Variants in ACSL1 observed in about 807,000 individuals in gnomAD.
ACSL1 encodes the protein acyl-CoA synthetase long chain family member 1, also known as long-chain-fatty-acid--CoA ligase 1.
ACSL1 carries 41 observed loss-of-function variants against 98.4 expected under a neutral mutation model. The observed-to-expected ratio is 0.42, with a 90% CI of 0.32 to 0.54. The LOEUF is 0.54. Ranked by LOEUF, ACSL1 falls within the 20% of genes least tolerant of loss-of-function variation. ACSL1 has a pLI of 0.13. For missense variants in ACSL1, 734 were observed against 883.1 expected, an observed-to-expected ratio of 0.83 and a Z score of 2.14; for synonymous variants, 316 against 322.7, an observed-to-expected ratio of 0.98 and a Z score of 0.22.
Position 184,773,831 on chromosome 4 carries a change from C to A in ACSL1, c.789+12G>T, listed in dbSNP as rs368315348. The A allele has an allele frequency of 6.2e-7, 1 of 1,613,882 alleles. No individual in the cohort carries two copies. Among genetic ancestry groups the A allele is most frequent in the East Asian group, 2.2e-5 (1 of 44,884 alleles). ...AAAGAGGACAGAGCAGGGTCTGACA[C>A]GGTGTGCTTACCTTGGGCTTCCGTC... On this transcript the variant is annotated intron_variant, in intron 8 of 20. Coordinates refer to ENST00000281455, the MANE Select transcript of ACSL1 (RefSeq NM_001995.5). This position sits in a 1 kb window ranked among gnomAD's most constrained non-coding sequence, Gnocchi z 4.3.
At chr4:184,796,284 T>C (rs1769346315) in intron 2 of ACSL1, among the ~76,000 whole-genome samples, 3 of 152,218 alleles carry the variant, frequency 2.0e-5, no homozygotes. Context: ...AGTTTGCAGA[T>C]GGCCTACTTT....
intron 4 of ACSL1, among the ~76,000 whole-genome samples, chr4:184,782,230 G>T (rs116294233): frequency 1.4e-5 from 2 of 143,902 alleles, no homozygotes; most frequent in Non-Finnish European, 1.5e-5. Context: ...AATAATACAC[G>T]CACATTTATA....
At chr4:184,787,254 A>G (rs934278639) in intron 3 of ACSL1, among the ~76,000 whole-genome samples, 16 of 152,190 alleles carry the variant, frequency 1.1e-4, no homozygotes, top group African/African-American at 3.6e-4. Flanking sequence ...CTGAGGATGC[A>G]TTAGTGGGGC....
intron 18 of ACSL1, chr4:184,758,849 T>A (rs374370826): frequency 6.6e-6 from 1 of 152,066 alleles, no homozygotes; most frequent in Admixed American, 6.6e-5. Context: ...CTGCACCTGT[T>A]AACTCGTCAT....
Position 184,773,679 on chromosome 4 carries a change from G to A in ACSL1, c.825C>T (p.Phe275=). The change falls in exon 9 of 21, where the codon TTC becomes TTT. Residue 275 remains phenylalanine, a synonymous_variant. Transcript: ENST00000281455. The surrounding 1 kb of genome is among the most constrained non-coding windows in gnomAD (Gnocchi z 4.3). ...PAPEDLAVIC[F]TSGTTGNPKG... Reference sequence around the variant, plus strand: ...AAAACTCACCTGTAGTTCCACTTGTGAAACAAATTACTGCAAGATCTTCAG... The same window carrying A: ...AAAACTCACCTGTAGTTCCACTTGTAAAACAAATTACTGCAAGATCTTCAG... 2.5e-6 allele frequency: 4 copies of A among 1,610,028 alleles called. No homozygotes were observed. The highest frequency in any genetic ancestry group is 2.5e-6 in the Non-Finnish European group (3 of 1,178,718).
At chr4:184,790,377 T>C (rs1327868775) in intron 2 of ACSL1, among the ~76,000 whole-genome samples, 1 of 152,250 alleles carries the variant, frequency 6.6e-6, no homozygotes, top group Non-Finnish European at 1.5e-5. Flanking sequence ...CTTTTTTTTA[T>C]GCTTATACAT....
rs1454075824 is a variant in ACSL1, at chr4:184,766,665, C to T, written c.1220G>A (p.Arg407Lys). 1 of 1,614,168 alleles carries T rather than the reference C, an allele frequency of 6.2e-7. No homozygotes were observed. The highest frequency in any genetic ancestry group is 1.7e-5 in the Admixed American group (1 of 60,026). ...KEAELRSGII[R>K]NNSLWDRLIF... ...CAGCCGGTCCCACAGGCTGTTGTTT[C>T]TGATGATGCCGCTGCGAAGCTCTGC... The change falls in exon 13 of 21, where the codon AGA (arginine) becomes AAA (lysine). Residue 407 changes from arginine (R) to lysine (K), a missense_variant. Physicochemically the swap from Arg to Lys is conservative, Grantham distance 26 (BLOSUM62 2). Transcript: ENST00000281455. The surrounding 1 kb of genome is among the most constrained non-coding windows in gnomAD (Gnocchi z 4.8).
chr4:184,789,267 C>A (rs1579911403), intron 2 of ACSL1, among the ~76,000 whole-genome samples: 2 of 152,124 alleles, frequency 1.3e-5, no homozygotes, highest in South Asian at 2.1e-4. Context: ...CTGGTCCTGC[C>A]GGATAAGGCC....
chr4:184,818,719 G>T (rs1772823452), intron 1 of ACSL1, among the ~76,000 whole-genome samples: 4 of 152,070 alleles, frequency 2.6e-5, no homozygotes, highest in South Asian at 2.1e-4. Flanking sequence ...GTGTGGCTGG[G>T]GTGCCAATCT....
At chr4:184,826,254 T>C (rs1479130176), upstream of ACSL1, 1 of 151,484 alleles carries the variant, frequency 6.6e-6, no homozygotes, top group Admixed American at 6.6e-5. Flanking sequence ...CCAGACTGCC[T>C]CGGATTTCAT....
At chr4:184,813,213 A>G (rs995968171) in intron 1 of ACSL1, among the ~76,000 whole-genome samples, 3 of 152,192 alleles carry the variant, frequency 2.0e-5, no homozygotes, top group Non-Finnish European at 4.4e-5. Flanking sequence ...TTGGCGGTAC[A>G]TATTTAAGAG....
intron 1 of ACSL1, among the ~76,000 whole-genome samples, chr4:184,812,439 T>C (rs895177233): frequency 1.3e-5 from 2 of 152,048 alleles, no homozygotes; most frequent in African/African-American, 4.8e-5. Flanking sequence ...CCAACTTCAG[T>C]AGTCTCCTTC....
At chr4:184,791,315 C>A (rs1011965740) in intron 2 of ACSL1, among the ~76,000 whole-genome samples, 11 of 152,198 alleles carry the variant, frequency 7.2e-5, no homozygotes, top group Non-Finnish European at 1.5e-4. Context: ...TAAGTGACCA[C>A]AGGGACTCCA....
rs11323129 is a variant in ACSL1 at position 184,785,606 on chromosome 4, C to A, written c.311-1615G>T. ...ATAAAAAGATCCTCCTGGGCGGGGG[C>A]GGGGGGGGGGGGGGGAAGGAAGCAA... On this transcript the variant is annotated intron_variant, in intron 3 of 20. Coordinates refer to ENST00000281455, the MANE Select transcript of ACSL1 (RefSeq NM_001995.5). Among the ~76,000 whole-genome samples the A allele has an allele frequency of 6.5e-3, 42 of 6,432 alleles. 7 individuals are homozygous for A. The highest frequency in any genetic ancestry group is 0.05 in the East Asian group (4 of 80). 4.2% of individuals were successfully genotyped at this position (6,432 alleles called of 152,430 possible). A position where few individuals can be genotyped will look rare whatever the true frequency, so the allele number is the denominator to read the frequency against.
At chr4:184,768,240 G>T in intron 12 of ACSL1, 76 bp downstream of exon 12, 1 of 1,480,466 alleles carries the variant, frequency 6.8e-7, no homozygotes, top group Non-Finnish European at 9.1e-7. Flanking sequence ...ATGGCACATG[G>T]CACAGCCCAA....
At chr4:184,805,079 A>T (rs1352156079) in intron 1 of ACSL1, among the ~76,000 whole-genome samples, 3 of 152,242 alleles carry the variant, frequency 2.0e-5, no homozygotes, top group African/African-American at 7.2e-5. Context: ...ACAAAAATTT[A>T]CAAGAAAAAC....
At chr4:184,774,590 C>T (rs1351514873) in intron 7 of ACSL1, among the ~76,000 whole-genome samples, 2 of 152,148 alleles carry the variant, frequency 1.3e-5, no homozygotes, top group Non-Finnish European at 2.9e-5. Context: ...GTTCGGTTTA[C>T]TGCATTAGGG....
chr4:184,795,336 G>A (rs1258083690), intron 2 of ACSL1, among the ~76,000 whole-genome samples: 2 of 152,160 alleles, frequency 1.3e-5, no homozygotes, highest in Admixed American at 6.6e-5. Flanking sequence ...ACGCATTTCC[G>A]TCCTTTATGC....
intron 12 of ACSL1, 119 bp downstream of exon 12, chr4:184,768,197 G>A (rs937255564): frequency 3.2e-5 from 36 of 1,107,734 alleles, no homozygotes; most frequent in East Asian, 8.3e-5. Flanking sequence ...CTGAAGTTCT[G>A]TAAGATTGGG....
Sources: allele counts gnomAD v4.1 joint callset (sites outside exome capture counted in the v4.1 genomes callset), GRCh38; gene constraint gnomAD v4.1.1; non-coding constraint Gnocchi (gnomAD v3.1); transcripts MANE v1.5; gene names NCBI Gene and HGNC (gene_info 2026-07-23, HGNC 2026-07-21).